FKBP4: variants seen among roughly 807,000 people sequenced by gnomAD.
FKBP4 encodes the protein peptidyl-prolyl cis-trans isomerase FKBP4.
A neutral mutation model predicts 54.1 loss-of-function variants in FKBP4; 28 were observed. The observed-to-expected ratio is 0.52, with a 90% CI of 0.38 to 0.71. FKBP4 has a LOEUF of 0.71. Ranked by LOEUF, FKBP4 falls within the 30% of genes least tolerant of loss-of-function variation. FKBP4 has a pLI of 0.00. For synonymous variants in FKBP4, 223 were observed against 216.1 expected, an observed-to-expected ratio of 1.03 and a Z score of -0.28; for missense variants, 493 against 574.4, an observed-to-expected ratio of 0.86 and a Z score of 1.45.
rs1353058049 is a variant in FKBP4, at chr12:2,798,629, C to T, written c.394-77C>T. ...TCCGGCCTGGCAGTTAGTAGGGACT[C>T]TCTCGGATGAGAAAGATTGTGTTTC... On this transcript the variant is annotated intron_variant, in intron 3 of 9. Transcript: ENST00000001008. The surrounding 1 kb of genome is among the most constrained non-coding windows in gnomAD (Gnocchi z 4.3). 1.9e-6 allele frequency: 3 copies of T among 1,603,724 alleles called. No homozygotes were observed. The highest frequency in any genetic ancestry group is 2.6e-6 in the Non-Finnish European group (3 of 1,174,792).
Position 2,801,207 on chromosome 12 carries a change from G to A in FKBP4, c.1123G>A (p.Asp375Asn), listed in dbSNP as rs2097904573. ...AVNDFELARA[D>N]FQKVLQLYPN... is the part of the protein sequence containing the mutation. Reference sequence around the variant, plus strand: ...GAATGACTTTGAACTGGCACGGGCTGATTTCCAGAAGGTCCTGCAGCTCTA... The same window carrying A: ...GAATGACTTTGAACTGGCACGGGCTAATTTCCAGAAGGTCCTGCAGCTCTA... The change falls in exon 9 of 10, where the codon GAT (aspartate) becomes AAT (asparagine). Residue 375 changes from aspartate to asparagine, a missense_variant. Coordinates refer to ENST00000001008, the MANE Select transcript of FKBP4 (RefSeq NM_002014.4). 6.2e-7 allele frequency: 1 copy of A among 1,613,274 alleles called. No individual in the cohort carries two copies. Among genetic ancestry groups the A allele is most frequent in the African/African-American group, 1.3e-5 (1 of 74,908 alleles).
At chr12:2,800,364 A>G in intron 7 of FKBP4, 28 bp from the exon 8 acceptor site, 2 of 1,590,466 alleles carry the variant, frequency 1.3e-6, no homozygotes, top group Non-Finnish European at 1.7e-6. Context: ...AAACTGTGCC[A>G]GGTGCCTGAG....
At chr12:2,801,503 C>G in intron 9 of FKBP4, 147 bp downstream of exon 9, 3 of 1,100,730 alleles carry the variant, frequency 2.7e-6, no homozygotes, top group South Asian at 1.5e-5. Flanking sequence ...CGTGTTCCTG[C>G]TGTTGGGGCC....
At chr12:2,802,706 A>AAT (rs1446163976) in intron 9 of FKBP4, among the ~76,000 whole-genome samples, 1 of 152,086 alleles carries the variant, frequency 6.6e-6, no homozygotes, top group Non-Finnish European at 1.5e-5. Flanking sequence ...ATGAGTTCAT[A>AAT]ATTTGTACAT....
At chr12:2,801,553 C>A in intron 9 of FKBP4, 197 bp downstream of exon 9, 1 of 766,120 alleles carries the variant, frequency 1.3e-6, no homozygotes, top group Non-Finnish European at 2.2e-6. Flanking sequence ...CCCACAAGCC[C>A]CAGAAGTTGG....
Position 2,800,378 on chromosome 12 carries a change from C to T in FKBP4, c.847-14C>T. On this transcript the variant is annotated splice_polypyrimidine_tract_variant and intron_variant, in intron 7 of 9. Transcript: ENST00000001008. The stretch of plus-strand genomic sequence containing the variant: ...GAAACTGTGCCAGGTGCCTGAGCCT[C>T]TCTCCCATTCCAGGAAGGTAAATAC... The T allele has an allele frequency of 6.2e-7, 1 of 1,601,604 alleles. No homozygotes were observed. Among genetic ancestry groups the T allele is most frequent in the Non-Finnish European group, 8.5e-7 (1 of 1,173,618 alleles).
rs910547975 is a variant in FKBP4, at chr12:2,804,908, A to G, written c.*1650A>G. The stretch of plus-strand genomic sequence containing the variant: ...CCAGCCTGGGCAAGAGAGTGAGACC[A>G]TCTCTTTTTTAAAAAAGTCCCTGTG... On this transcript the variant is annotated 3_prime_UTR_variant, in exon 10 of 10. Transcript: ENST00000001008. 3 of 225,742 alleles carry G rather than the reference A, an allele frequency of 1.3e-5. No individual in the cohort carries two copies. Among genetic ancestry groups the G allele is most frequent in the African/African-American group, 7.0e-5 (3 of 42,662 alleles). 14.0% of individuals were successfully genotyped at this position (225,742 alleles called of 1,614,324 possible).
rs183527732 is a variant in FKBP4 at position 2,802,368 on chromosome 12, T to G, written c.1273-783T>G. On this transcript the variant is annotated intron_variant, in intron 9 of 9. Coordinates refer to ENST00000001008, the MANE Select transcript of FKBP4 (RefSeq NM_002014.4). ...GACCAGGCTCTCGAACTCCTGACTT[T>G]AGTGATCTGCCCACCCCTGCCTCCC... Among the ~76,000 whole-genome samples, 607 of 152,196 alleles carry G rather than the reference T, an allele frequency of 4.0e-3. 2 individuals are homozygous for G. Among genetic ancestry groups the G allele is most frequent in the African/African-American group, 0.014 (561 of 41,512 alleles).
chr12:2,800,687 A>G, intron 8 of FKBP4, 110 bp downstream of exon 8: 1 of 1,104,358 alleles, frequency 9.1e-7, no homozygotes, highest in Non-Finnish European at 1.3e-6. Context: ...AGCAGGGTGG[A>G]TCAGTGGGAG....
chr12:2,803,052 A>ATGTAGGAGAATGGG (rs2097905711), intron 9 of FKBP4, 99 bp from the exon 10 acceptor site: 1 of 855,634 alleles, frequency 1.2e-6, no homozygotes, highest in South Asian at 1.6e-5. Context: ...TTTAGGACAG[A>ATGTAGGAGAATGGG]TGTAGGAGAA....
At position 2,805,403 on chromosome 12, in the gene FKBP4, A is replaced by G. The variant is rs574553711; in HGVS notation, c.*2145A>G. ...AGTTTATGTAACATTAAAACTGTCT[A>G]GTGAGGATGTTTTGTTAAAATGCCT... On this transcript the variant is annotated 3_prime_UTR_variant, in exon 10 of 10. Transcript: ENST00000001008. The G allele has an allele frequency of 1.8e-5, 5 of 274,386 alleles. No individual in the cohort carries two copies. Among genetic ancestry groups the G allele is most frequent in the Non-Finnish European group, 2.9e-5 (4 of 139,094 alleles). 17.0% of individuals were successfully genotyped at this position (274,386 alleles called of 1,614,324 possible). A position where few individuals can be genotyped will look rare whatever the true frequency, so the allele number is the denominator to read the frequency against.
Position 2,801,156 on chromosome 12 carries a change from C to A in FKBP4, c.1072C>A (p.Arg358Ser). 6.2e-7 allele frequency: 1 copy of A among 1,613,820 alleles called. No individual in the cohort carries two copies. Among genetic ancestry groups the A allele is most frequent in the Non-Finnish European group, 8.5e-7 (1 of 1,179,922 alleles). ...CAGCAACAACGAGAAGGGCCTCTTC[C>A]GCCGGGGAGAGGCCCACCTGGCCGT... ...LDSNNEKGLFRRGEAHLAVND... is the reference protein window; with the variant it reads ...LDSNNEKGLFSRGEAHLAVND... The change falls in exon 9 of 10, where the codon CGC (arginine) becomes AGC (serine). Residue 358 changes from arginine (R) to serine (S), a missense_variant. By Grantham distance (110) the Arg-to-Ser change is moderately radical. Coordinates refer to ENST00000001008, the MANE Select transcript of FKBP4 (RefSeq NM_002014.4).
In FKBP4 at chr12:2,797,121, C is replaced by G. The variant is rs766011805; in HGVS notation, c.106-17C>G. 6 of 1,611,932 alleles carry G rather than the reference C, an allele frequency of 3.7e-6. No homozygotes were observed. The highest frequency in any genetic ancestry group is 4.2e-6 in the Non-Finnish European group (5 of 1,179,722). ...CCCCAAACCCTGGGGTACTCACTTT[C>G]TCCCCCTTCCTCCCAGGTCATCAAG... On this transcript the variant is annotated splice_polypyrimidine_tract_variant and intron_variant, in intron 1 of 9. Coordinates refer to ENST00000001008, the MANE Select transcript of FKBP4 (RefSeq NM_002014.4).
intron 9 of FKBP4, chr12:2,801,653 C>A: frequency 1.9e-6 from 1 of 515,710 alleles, no homozygotes; most frequent in South Asian, 1.5e-5. Flanking sequence ...CTTTGCAGAG[C>A]CAAAGTGGGA....
intron 1 of FKBP4, chr12:2,796,549 A>G (rs1302408620): frequency 5.0e-6 from 6 of 1,189,894 alleles, no homozygotes; most frequent in Non-Finnish European, 6.4e-6. Context: ...TACCAGAGGA[A>G]TACTCAGCTC....
Position 2,800,093 on chromosome 12 carries a change from G to A in FKBP4, c.817G>A (p.Val273Met), listed in dbSNP as rs2097903912. Residue 273 changes from valine (V) to methionine (M), a missense_variant, in exon 7 of 10, where the codon GTG becomes ATG. Physicochemically the swap from Val to Met is conservative, Grantham distance 21. Transcript: ENST00000001008. ...SEEKLEQSTI[V>M]KERGTVYFKE... ...AGAGAAGCTGGAACAGAGCACCATA[G>A]TGAAAGAGCGGGGCACTGTGTACTT... is the stretch of plus-strand genomic sequence containing the variant. 6.2e-7 allele frequency: 1 copy of A among 1,613,636 alleles called. No homozygotes were observed. The highest frequency in any genetic ancestry group is 1.7e-5 in the Admixed American group (1 of 60,008).
In FKBP4 at chr12:2,804,177, C is replaced by G. The variant is rs1292963798; in HGVS notation, c.*919C>G. 1 of 152,304 alleles carries G rather than the reference C, an allele frequency of 6.6e-6. No individual in the cohort carries two copies. Among genetic ancestry groups the G allele is most frequent in the East Asian group, 1.9e-4 (1 of 5,198 alleles). 9.4% of individuals were successfully genotyped at this position (152,304 alleles called of 1,614,324 possible). A position where few individuals can be genotyped will look rare whatever the true frequency, so the allele number is the denominator to read the frequency against. On this transcript the variant is annotated 3_prime_UTR_variant, in exon 10 of 10. Coordinates refer to ENST00000001008, the MANE Select transcript of FKBP4 (RefSeq NM_002014.4). ...TGTCTATGGCTTCGCCCAAGGTTCCCAGCACTCCCTCCCTCCAGCAACCTG... is the reference window on the plus strand; with the variant it reads ...TGTCTATGGCTTCGCCCAAGGTTCCGAGCACTCCCTCCCTCCAGCAACCTG...
chr12:2,797,887 C>G lies in FKBP4; in HGVS notation c.393+16C>G. 1 of 1,608,910 alleles carries G rather than the reference C, an allele frequency of 6.2e-7. No individual in the cohort carries two copies. Among genetic ancestry groups the G allele is most frequent in the Non-Finnish European group, 8.5e-7 (1 of 1,176,392 alleles). ...TGTATTTGAGGTGAGTGTTTGGTCACTGAGATCCAGGCTAAGAGCCAGGCC... is the reference window on the plus strand; with the variant it reads ...TGTATTTGAGGTGAGTGTTTGGTCAGTGAGATCCAGGCTAAGAGCCAGGCC... On this transcript the variant is annotated intron_variant, in intron 3 of 9. Transcript: ENST00000001008.
chr12:2,798,693 T>G lies in FKBP4; in HGVS notation c.394-13T>G. 6.2e-7 allele frequency: 1 copy of G among 1,613,062 alleles called. No individual in the cohort carries two copies. The highest frequency in any genetic ancestry group is 8.5e-7 in the Non-Finnish European group (1 of 1,179,940). On this transcript the variant is annotated splice_polypyrimidine_tract_variant and intron_variant, in intron 3 of 9. Coordinates refer to ENST00000001008, the MANE Select transcript of FKBP4 (RefSeq NM_002014.4). This position sits in a 1 kb window ranked among gnomAD's most constrained non-coding sequence, Gnocchi z 4.3. ...TAGCATGGGAAGGAATTGTGTCACA[T>G]CTTGTCCCACAGGTGGAGTTGTTTG...
Sources: allele counts gnomAD v4.1 joint callset (sites outside exome capture counted in the v4.1 genomes callset), GRCh38; gene constraint gnomAD v4.1.1; non-coding constraint Gnocchi (gnomAD v3.1); transcripts MANE v1.5; gene names NCBI Gene and HGNC (gene_info 2026-07-23, HGNC 2026-07-21).